Variants in PTPRG observed in about 807,000 individuals in gnomAD.
PTPRG encodes receptor-type tyrosine-protein phosphatase gamma.
Under a neutral mutation model 165.3 loss-of-function variants are expected in PTPRG, and 102 were observed. The observed-to-expected ratio is 0.62, with a 90% CI of 0.53 to 0.73. PTPRG has a LOEUF of 0.73. Ranked by LOEUF, PTPRG falls within the 30% of genes least tolerant of loss-of-function variation. The pLI is 0.00. For synonymous variants in PTPRG, 675 were observed against 669.5 expected, an observed-to-expected ratio of 1.01 and a Z score of -0.13; for missense variants, 1,866 against 1,861.4, an observed-to-expected ratio of 1.00 and a Z score of -0.05.
chr3:62,035,835 G>A (rs1171693257), intron 4 of PTPRG, among the ~76,000 whole-genome samples: 2 of 152,200 alleles, frequency 1.3e-5, no homozygotes, highest in Non-Finnish European at 2.9e-5. Flanking sequence ...TTGTTGAGAG[G>A]AGCTGTTCTC....
chr3:61,569,354 A>T (rs546537986), intron 1 of PTPRG, among the ~76,000 whole-genome samples: 2 of 152,234 alleles, frequency 1.3e-5, no homozygotes, highest in South Asian at 4.2e-4. Context: ...TCCTCTGTGA[A>T]ATGGGGTGGT....
chr3:61,612,537 G>A (rs755288321), intron 1 of PTPRG, among the ~76,000 whole-genome samples: 9 of 152,182 alleles, frequency 5.9e-5, no homozygotes, highest in Non-Finnish European at 1.2e-4. Context: ...GGCACGAATT[G>A]CCTGATGGAC....
At chr3:61,869,293 G>A (rs1245433735) in intron 2 of PTPRG, among the ~76,000 whole-genome samples, 5 of 152,056 alleles carry the variant, frequency 3.3e-5, no homozygotes, top group Admixed American at 3.3e-4. Context: ...CAAATCCTTG[G>A]GTGTGGCCCT....
chr3:61,948,783 G>A (rs1214710471), intron 2 of PTPRG, among the ~76,000 whole-genome samples: 3 of 152,234 alleles, frequency 2.0e-5, no homozygotes, highest in South Asian at 2.1e-4. Flanking sequence ...AATTGGGAGT[G>A]AGAGTTAATG....
At chr3:62,180,707 C>T (rs1488644921) in intron 8 of PTPRG, among the ~76,000 whole-genome samples, 1 of 152,154 alleles carries the variant, frequency 6.6e-6, no homozygotes, top group Non-Finnish European at 1.5e-5. Flanking sequence ...TTTGTCACCT[C>T]CCTTAGCGCT....
At chr3:61,597,490 G>A (rs982692346) in intron 1 of PTPRG, among the ~76,000 whole-genome samples, 1 of 152,156 alleles carries the variant, frequency 6.6e-6, no homozygotes, top group Non-Finnish European at 1.5e-5. Context: ...ATTTAATGTT[G>A]AATTTTACTT....
At chr3:61,767,471 G>A (rs889747231) in intron 2 of PTPRG, among the ~76,000 whole-genome samples, 2 of 152,100 alleles carry the variant, frequency 1.3e-5, no homozygotes, top group Admixed American at 6.6e-5. Flanking sequence ...TCAGCTGAGC[G>A]CTGCCCTTGG....
chr3:62,218,997 C>A lies in PTPRG; in HGVS notation c.2288+14C>A. ...CGTTTACTGGAGGTAAGCCAGGCAG[C>A]ACCTACAGCGTAGATTTGGGGGCCA... is the stretch of plus-strand genomic sequence containing the variant. On this transcript the variant is annotated intron_variant, in intron 13 of 29. Coordinates refer to ENST00000474889, the MANE Select transcript of PTPRG (RefSeq NM_002841.4). 6.2e-7 allele frequency: 1 copy of A among 1,613,064 alleles called. No homozygotes were observed. Among genetic ancestry groups the A allele is most frequent in the East Asian group, 2.2e-5 (1 of 44,826 alleles).
chr3:62,066,932 G>C (rs1701032407), intron 4 of PTPRG, among the ~76,000 whole-genome samples: 1 of 151,582 alleles, frequency 6.6e-6, no homozygotes, highest in Admixed American at 6.6e-5. Flanking sequence ...CAGCTACTCA[G>C]GAGGCGGAGG....
At chr3:61,775,854 A>G (rs2107050529) in intron 2 of PTPRG, among the ~76,000 whole-genome samples, 1 of 146,982 alleles carries the variant, frequency 6.8e-6, no homozygotes, top group East Asian at 2.1e-4. Flanking sequence ...GCATGTTCTC[A>G]CTTATAGGTG....
chr3:62,124,402 G>A (rs1703206164), intron 5 of PTPRG: 14 of 1,613,564 alleles, frequency 8.7e-6, no homozygotes, highest in African/African-American at 1.3e-5. Flanking sequence ...AGATGTAGTC[G>A]ATGACGTGCT....
intron 9 of PTPRG, among the ~76,000 whole-genome samples, chr3:62,193,118 T>C (rs1169831824): frequency 6.6e-6 from 1 of 152,228 alleles, no homozygotes; most frequent in Non-Finnish European, 1.5e-5. Flanking sequence ...TTGTCACAAC[T>C]GGAAGTCCAT....
intron 2 of PTPRG, among the ~76,000 whole-genome samples, chr3:61,985,328 G>T (rs975219151): frequency 1.3e-5 from 2 of 152,164 alleles, no homozygotes; most frequent in African/African-American, 4.8e-5. Flanking sequence ...GCCATGAAAT[G>T]CTTGCACCCA....
rs1700416497 is a variant in PTPRG at position 62,213,513 on chromosome 3, C to G, written c.2156-5338C>G. Among the ~76,000 whole-genome samples the G allele has an allele frequency of 6.6e-6, 1 of 152,234 alleles. No individual in the cohort carries two copies. Among genetic ancestry groups the G allele is most frequent in the Non-Finnish European group, 1.5e-5 (1 of 68,010 alleles). On this transcript the variant is annotated intron_variant, in intron 12 of 29. Transcript: ENST00000474889. This position sits in a 1 kb window ranked among gnomAD's most constrained non-coding sequence, Gnocchi z 4.4. ...ATCTTTTTTCATCCTCAGGACTCCC[C>G]GAGAGGTGAGTGTTACCATTTGTCT...
chr3:62,054,126 A>C (rs151255780), intron 4 of PTPRG, among the ~76,000 whole-genome samples: 114 of 152,132 alleles, frequency 7.5e-4, no homozygotes, highest in Non-Finnish European at 8.5e-4. Flanking sequence ...CTTTTTGTCT[A>C]TTTGTGACCA....
chr3:62,024,642 C>T (rs2041767448), intron 4 of PTPRG, among the ~76,000 whole-genome samples: 1 of 152,166 alleles, frequency 6.6e-6, no homozygotes, highest in South Asian at 2.1e-4. Flanking sequence ...TATTTTTGGC[C>T]ATTTCTTCAT....
rs181111407 is a variant in PTPRG at position 61,800,789 on chromosome 3, A to G, written c.190+51807A>G. 7.6e-3 allele frequency among the ~76,000 whole-genome samples: 1,149 copies of G among 151,346 alleles called. 14 individuals carry two copies. Among genetic ancestry groups the G allele is most frequent in the African/African-American group, 0.026 (1,084 of 41,256 alleles). ...CTCCCGAGTAGCTGGGATTACAGGCACCCGCCACCACGCCCAGCTAATTTT... is the reference window on the plus strand; with the variant it reads ...CTCCCGAGTAGCTGGGATTACAGGCGCCCGCCACCACGCCCAGCTAATTTT... On this transcript the variant is annotated intron_variant, in intron 2 of 29. Transcript: ENST00000474889.
At chr3:62,201,440 AGGAATATCT>A in intron 10 of PTPRG, 56 bp from the exon 11 acceptor site, 1 of 1,247,050 alleles carries the variant, frequency 8.0e-7, no homozygotes, top group East Asian at 2.4e-5. Context: ...TGTGTTCATA[AGGAATATCT>A]TGTTAGAGCC....
chr3:61,659,492 A>T, intron 1 of PTPRG: 1 of 969,220 alleles, frequency 1.0e-6, no homozygotes, highest in Non-Finnish European at 1.2e-6. Flanking sequence ...GTCAGAAGAG[A>T]AGGTAGGGGT....
Sources: gnomAD v4.1 joint callset for allele counts (sites outside exome capture counted in the v4.1 genomes callset) on GRCh38, gnomAD v4.1.1 for gene constraint, Gnocchi (gnomAD v3.1) non-coding constraint, MANE v1.5 for transcripts, NCBI Gene and HGNC (gene_info 2026-07-23, HGNC 2026-07-21) for gene names.